NKAIN2: variants seen among roughly 807,000 people sequenced by gnomAD.
The protein encoded by NKAIN2 is sodium/potassium-transporting ATPase subunit beta-1-interacting protein 2.
NKAIN2 carries 14 observed loss-of-function variants against 32.6 expected under a neutral mutation model. The observed-to-expected ratio is 0.43, with a 90% CI of 0.28 to 0.67. The LOEUF (loss-of-function observed/expected upper bound fraction) is 0.67, where lower values mean the gene tolerates loss of function less well. Among genes scored for constraint, NKAIN2 ranks in the 30% least tolerant of loss-of-function variants. The pLI, the probability that NKAIN2 is intolerant of heterozygous loss-of-function variation, is 0.17. For missense variants in NKAIN2, 198 were observed against 258.3 expected, an observed-to-expected ratio of 0.77 and a Z score of 1.60; for synonymous variants, 80 against 87.2, an observed-to-expected ratio of 0.92 and a Z score of 0.46.
At chr6:124,064,663 T>C (rs1783078653) in intron 1 of NKAIN2, among the ~76,000 whole-genome samples, 1 of 152,200 alleles carries the variant, frequency 6.6e-6, no homozygotes, top group Non-Finnish European at 1.5e-5. Context: ...ATTTGACATC[T>C]GGGCCAAGTG....
At chr6:124,509,227 A>G (rs1225528990) in intron 3 of NKAIN2, among the ~76,000 whole-genome samples, 1 of 152,176 alleles carries the variant, frequency 6.6e-6, no homozygotes, top group Non-Finnish European at 1.5e-5. Flanking sequence ...GCTTTGAGAC[A>G]ATTTTATCTG....
chr6:124,455,188 AAGAG>A lies in NKAIN2; in HGVS notation c.273+99842_273+99845del, dbSNP rs1776271597. Among the ~76,000 whole-genome samples the A allele has an allele frequency of 1.3e-5, 2 of 152,100 alleles. 1 individual carries two copies. Among genetic ancestry groups the A allele is most frequent in the South Asian group, 4.1e-4 (2 of 4,832 alleles). On this transcript the variant is annotated intron_variant, in intron 3 of 6. Coordinates refer to ENST00000368417, the MANE Select transcript of NKAIN2 (RefSeq NM_001040214.3). ...TTCAGGTTAGAAATCATTGAGAAAA[AAGAG>A]TATTTAATTTTTAATGAGTATGCAT...
chr6:124,121,926 C>T (rs1785904235), intron 1 of NKAIN2: 2 of 1,227,532 alleles, frequency 1.6e-6, no homozygotes, highest in South Asian at 1.3e-5. Flanking sequence ...TATATTGTCC[C>T]ACAAATATCT....
intron 3 of NKAIN2, among the ~76,000 whole-genome samples, chr6:124,603,610 TAC>T (rs1482579953): frequency 2.6e-5 from 4 of 152,122 alleles, no homozygotes; most frequent in African/African-American, 9.6e-5. Context: ...CCTCAGAATT[TAC>T]TATTCCTCAT....
chr6:124,129,363 G>C (rs556763327), intron 1 of NKAIN2, among the ~76,000 whole-genome samples: 1 of 152,304 alleles, frequency 6.6e-6, no homozygotes, highest in Non-Finnish European at 1.5e-5. Flanking sequence ...TGCTGAGAAT[G>C]CCATCAGGTG....
chr6:124,130,150 C>G (rs1786392354), intron 1 of NKAIN2, among the ~76,000 whole-genome samples: 1 of 152,052 alleles, frequency 6.6e-6, no homozygotes, highest in Non-Finnish European at 1.5e-5. Flanking sequence ...GGAGTATTTC[C>G]TAGAGGGAAA....
intron 3 of NKAIN2, among the ~76,000 whole-genome samples, chr6:124,388,177 A>AT (rs1050806408): frequency 1.4e-5 from 2 of 148,032 alleles, no homozygotes; most frequent in African/African-American, 5.3e-5. Context: ...TGAATTATTA[A>AT]TTTTACAAAA....
At chr6:124,414,555 G>T (rs887520411) in intron 3 of NKAIN2, among the ~76,000 whole-genome samples, 1 of 152,094 alleles carries the variant, frequency 6.6e-6, no homozygotes, top group Non-Finnish European at 1.5e-5. Flanking sequence ...TAAATTTTCT[G>T]TAAGACTGTT....
At chr6:124,167,852 G>T (rs1562397853) in intron 1 of NKAIN2, among the ~76,000 whole-genome samples, 1 of 152,086 alleles carries the variant, frequency 6.6e-6, no homozygotes, top group Non-Finnish European at 1.5e-5. Flanking sequence ...CTTCAGTGAT[G>T]CATTATAGAT....
At chr6:124,584,870 T>C (rs2114948180) in intron 3 of NKAIN2, among the ~76,000 whole-genome samples, 1 of 152,280 alleles carries the variant, frequency 6.6e-6, no homozygotes, top group South Asian at 2.1e-4. Flanking sequence ...TATAAATTCA[T>C]ACCATCACTA....
chr6:123,960,726 A>G (rs535356246), intron 1 of NKAIN2, among the ~76,000 whole-genome samples: 1 of 151,826 alleles, frequency 6.6e-6, no homozygotes, highest in East Asian at 2.0e-4. Flanking sequence ...AAATGTTTGT[A>G]TGTGGTAGAG....
chr6:124,239,311 C>T (rs990824391), intron 1 of NKAIN2, among the ~76,000 whole-genome samples: 1 of 151,540 alleles, frequency 6.6e-6, no homozygotes, highest in Admixed American at 6.6e-5. Context: ...TGGCAGGATC[C>T]CACTGTCAAT....
chr6:124,523,952 G>A (rs1779216844), intron 3 of NKAIN2, among the ~76,000 whole-genome samples: 1 of 152,198 alleles, frequency 6.6e-6, no homozygotes, highest in Non-Finnish European at 1.5e-5. Flanking sequence ...GAACACATCA[G>A]TAGGGGATAA....
At chr6:124,272,925 G>A (rs995321032) in intron 1 of NKAIN2, among the ~76,000 whole-genome samples, 5 of 152,182 alleles carry the variant, frequency 3.3e-5, no homozygotes, top group African/African-American at 7.2e-5. Context: ...CTTTGTTTTG[G>A]CACATTTCTC....
chr6:124,186,400 T>G (rs1050478891), intron 1 of NKAIN2, among the ~76,000 whole-genome samples: 16 of 151,986 alleles, frequency 1.1e-4, no homozygotes, highest in Non-Finnish European at 2.2e-4. Flanking sequence ...TGTGATTATG[T>G]AACTGCACTC....
intron 3 of NKAIN2, among the ~76,000 whole-genome samples, chr6:124,590,068 C>T (rs1363153140): frequency 6.6e-6 from 1 of 152,162 alleles, no homozygotes; most frequent in Non-Finnish European, 1.5e-5. Context: ...AACTCCTGTC[C>T]ATTCCTTTCT....
chr6:124,333,359 G>A (rs1183833623), intron 2 of NKAIN2, among the ~76,000 whole-genome samples: 1 of 151,968 alleles, frequency 6.6e-6, no homozygotes. Context: ...TTAAAATAGG[G>A]AATAAAAAAT....
chr6:124,389,217 A>G (rs1246633407), intron 3 of NKAIN2, among the ~76,000 whole-genome samples: 1 of 152,078 alleles, frequency 6.6e-6, no homozygotes, highest in Non-Finnish European at 1.5e-5. Context: ...CATTATTGGA[A>G]TGAGACTTAA....
At chr6:124,807,614 G>A (rs538741594) in intron 5 of NKAIN2, among the ~76,000 whole-genome samples, 2 of 145,290 alleles carry the variant, frequency 1.4e-5, no homozygotes, top group African/African-American at 2.5e-5. Flanking sequence ...TCAAAAGCTA[G>A]CAGAAGGCAA....
Sources: gnomAD v4.1 joint callset for allele counts (sites outside exome capture counted in the v4.1 genomes callset) on GRCh38, gnomAD v4.1.1 for gene constraint, MANE v1.5 for transcripts, NCBI Gene and HGNC (gene_info 2026-07-23, HGNC 2026-07-21) for gene names.